Variants in CDH13 observed in about 807,000 individuals in gnomAD.
CDH13 encodes cadherin 13, also known as cadherin-13.
Under a neutral mutation model 63.8 loss-of-function variants are expected in CDH13, and 24 were observed. The observed-to-expected ratio is 0.38, with a 90% CI of 0.27 to 0.53. The LOEUF is 0.53. Among genes scored for constraint, CDH13 ranks in the 20% least tolerant of loss-of-function variants. The pLI is 0.85. For synonymous variants in CDH13, 503 were observed against 355.3 expected (o/e 1.42, Z -4.67); for missense variants, 1,049 against 903.1 (o/e 1.16, Z -2.07).
At chr16:82,809,518 G>A (rs960167929) in intron 1 of CDH13, among the ~76,000 whole-genome samples, 1 of 152,118 alleles carries the variant, frequency 6.6e-6, no homozygotes, top group African/African-American at 2.4e-5. Flanking sequence ...TGTAAGTGAT[G>A]ACGCTCAAAT....
At chr16:83,778,289 G>T (rs1915259646) in intron 11 of CDH13, among the ~76,000 whole-genome samples, 1 of 152,200 alleles carries the variant, frequency 6.6e-6, no homozygotes, top group African/African-American at 2.4e-5. Flanking sequence ...CAACACATTG[G>T]GAGGCCGAGG....
At chr16:82,681,604 T>C (rs1456728478) in intron 1 of CDH13, among the ~76,000 whole-genome samples, 1 of 152,268 alleles carries the variant, frequency 6.6e-6, no homozygotes, top group Non-Finnish European at 1.5e-5. Context: ...TCTGACACTT[T>C]CTTGCTTAAC....
At chr16:83,223,146 T>C (rs1234097977) in intron 5 of CDH13, among the ~76,000 whole-genome samples, 2 of 152,216 alleles carry the variant, frequency 1.3e-5, no homozygotes, top group African/African-American at 2.4e-5. Context: ...GCCTGGGTAT[T>C]TATAAAGAAG....
intron 5 of CDH13, among the ~76,000 whole-genome samples, chr16:83,264,550 G>GTA (rs1555521652): frequency 3.4e-4 from 12 of 35,746 alleles, no homozygotes; most frequent in Admixed American, 7.9e-4. Context: ...GTATATATAT[G>GTA]TATGTGTGTG....
At chr16:82,793,331 G>C (rs2036412753) in intron 1 of CDH13, among the ~76,000 whole-genome samples, 2 of 151,662 alleles carry the variant, frequency 1.3e-5, no homozygotes, top group Admixed American at 1.3e-4. Flanking sequence ...AAGGGGAAAA[G>C]AAAAGTTCGG....
intron 10 of CDH13, among the ~76,000 whole-genome samples, chr16:83,747,522 T>C (rs534898695): frequency 6.6e-6 from 1 of 152,216 alleles, no homozygotes; most frequent in South Asian, 2.1e-4. Context: ...AGTATGTCTT[T>C]ATCAACAGTG....
intron 11 of CDH13, among the ~76,000 whole-genome samples, chr16:83,764,573 AG>A (rs952243760): frequency 6.6e-6 from 1 of 152,028 alleles, no homozygotes; most frequent in African/African-American, 2.4e-5. Context: ...CCATCTACCC[AG>A]TCCTCAAGCA....
At chr16:83,012,268 C>G (rs926938329) in intron 2 of CDH13, among the ~76,000 whole-genome samples, 1 of 148,770 alleles carries the variant, frequency 6.7e-6, no homozygotes, top group African/African-American at 2.5e-5. Flanking sequence ...AATATAGCAT[C>G]TAAATTTAGA....
chr16:83,558,474 A>T (rs1171774513), intron 7 of CDH13, among the ~76,000 whole-genome samples: 2 of 152,232 alleles, frequency 1.3e-5, no homozygotes, highest in Non-Finnish European at 2.9e-5. Flanking sequence ...CTGGTGCCTT[A>T]TGCATGAATA....
At chr16:83,249,305 ACT>A (rs1382995495) in intron 5 of CDH13, among the ~76,000 whole-genome samples, 9 of 151,928 alleles carry the variant, frequency 5.9e-5, no homozygotes, top group African/African-American at 1.9e-4. Context: ...TCTCTTTCTC[ACT>A]CTGTCTTCAC....
intron 6 of CDH13, among the ~76,000 whole-genome samples, chr16:83,463,980 A>G (rs2073244934): frequency 6.6e-6 from 1 of 152,150 alleles, no homozygotes; most frequent in Non-Finnish European, 1.5e-5. Flanking sequence ...TTGTAGCAGG[A>G]GAAGGGGGTC....
intron 6 of CDH13, among the ~76,000 whole-genome samples, chr16:83,362,584 T>G (rs1025552135): frequency 6.6e-6 from 1 of 152,216 alleles, no homozygotes; most frequent in African/African-American, 2.4e-5. Context: ...TGGGTATTAC[T>G]GTCTCCATGT....
intron 1 of CDH13, chr16:82,727,819 C>A (rs1316723012): frequency 5.3e-5 from 8 of 152,186 alleles, no homozygotes; most frequent in Non-Finnish European, 4.4e-5. Context: ...GCTCACCCTA[C>A]AATGGTGAGC....
intron 5 of CDH13, among the ~76,000 whole-genome samples, chr16:83,228,616 G>A (rs548219754): frequency 2.0e-5 from 3 of 152,254 alleles, no homozygotes; most frequent in African/African-American, 4.8e-5. Flanking sequence ...ACAGAGACGC[G>A]GACGGGGCAG....
At chr16:82,850,035 A>C (rs2039419194) in intron 1 of CDH13, among the ~76,000 whole-genome samples, 1 of 152,244 alleles carries the variant, frequency 6.6e-6, no homozygotes, top group African/African-American at 2.4e-5. Flanking sequence ...CTGCTAATAT[A>C]ATTTCCATTT....
intron 6 of CDH13, among the ~76,000 whole-genome samples, chr16:83,434,792 A>G (rs2072235282): frequency 6.9e-6 from 1 of 144,086 alleles, no homozygotes; most frequent in African/African-American, 2.6e-5. Flanking sequence ...TCTCTCTTGG[A>G]CTCTTTCAAC....
At chr16:83,431,904 G>A (rs1159671994) in intron 6 of CDH13, among the ~76,000 whole-genome samples, 5 of 152,154 alleles carry the variant, frequency 3.3e-5, no homozygotes, top group Admixed American at 3.3e-4. Flanking sequence ...ATCATTACGT[G>A]AACTTGGAAT....
chr16:82,853,606 A>C (rs1000404646), intron 1 of CDH13, among the ~76,000 whole-genome samples: 2 of 152,218 alleles, frequency 1.3e-5, no homozygotes, highest in African/African-American at 4.8e-5. Context: ...CACTGAACCA[A>C]CGTGGCTTAA....
chr16:83,451,172 A>G (rs1462269880), intron 6 of CDH13, among the ~76,000 whole-genome samples: 1 of 152,216 alleles, frequency 6.6e-6, no homozygotes, highest in Non-Finnish European at 1.5e-5. Flanking sequence ...GCTGCTAATA[A>G]AGACATACCT....
Sources: gnomAD v4.1 joint callset for allele counts (sites outside exome capture counted in the v4.1 genomes callset) on GRCh38, gnomAD v4.1.1 for gene constraint, MANE v1.5 for transcripts, NCBI Gene and HGNC (gene_info 2026-07-23, HGNC 2026-07-21) for gene names.